SLAMF1: variants seen among roughly 807,000 people sequenced by gnomAD.
The protein encoded by SLAMF1 is signaling lymphocytic activation molecule family member 1, also known as signaling lymphocytic activation molecule.
SLAMF1 carries 18 observed loss-of-function variants against 35.1 expected under a neutral mutation model. That is an observed-to-expected ratio of 0.51 (90% CI 0.35 to 0.76). The LOEUF is 0.76. Among genes scored for constraint, SLAMF1 ranks in the 30% least tolerant of loss-of-function variants. The pLI, the probability that SLAMF1 is intolerant of heterozygous loss-of-function variation, is 0.01. For synonymous variants in SLAMF1, 168 were observed against 157.2 expected, an observed-to-expected ratio of 1.07 and a Z score of -0.51; for missense variants, 392 against 413.0, an observed-to-expected ratio of 0.95 and a Z score of 0.44.
chr1:160,608,977 G>GTC lies in SLAMF1; in HGVS notation c.*1770_*1771insGA, dbSNP rs1658840004. ...CCCCTTGGAGATAGGACATGGACAT[G>GTC]TGACCTAGGATTGGCCACTCAATCC... On this transcript the variant is annotated 3_prime_UTR_variant, in exon 7 of 7. Transcript: ENST00000302035. The GTC allele has an allele frequency of 6.6e-6, 1 of 152,182 alleles. No homozygotes were observed. Among genetic ancestry groups the GTC allele is most frequent in the Admixed American group, 6.5e-5 (1 of 15,286 alleles). The allele number at this position is 152,182 out of a possible 1,614,324, so 9.4% of individuals were successfully genotyped here.
chr1:160,632,582 C>T (rs956189916), intron 3 of SLAMF1, among the ~76,000 whole-genome samples: 1 of 152,026 alleles, frequency 6.6e-6, no homozygotes, highest in African/African-American at 2.4e-5. Context: ...TTTGGTATGC[C>T]CTAATTAAAT....
At chr1:160,629,525 C>T (rs1660060048) in intron 3 of SLAMF1, among the ~76,000 whole-genome samples, 1 of 152,086 alleles carries the variant, frequency 6.6e-6, no homozygotes, top group Non-Finnish European at 1.5e-5. Context: ...CATTCTTGTT[C>T]GTGGCAGTTT....
intron 5 of SLAMF1, among the ~76,000 whole-genome samples, chr1:160,616,037 G>C (rs986944166): frequency 1.3e-5 from 2 of 152,158 alleles, no homozygotes; most frequent in South Asian, 4.1e-4. Flanking sequence ...CCAGTAATTT[G>C]TTAAGGCATC....
chr1:160,624,483 C>T (rs1450067830), intron 3 of SLAMF1, among the ~76,000 whole-genome samples: 1 of 152,194 alleles, frequency 6.6e-6, no homozygotes, highest in Non-Finnish European at 1.5e-5. Context: ...ATCTTCATCT[C>T]TCCTAAGTCA....
At chr1:160,612,445 A>T in intron 6 of SLAMF1, 43 bp downstream of exon 6, 1 of 1,315,690 alleles carries the variant, frequency 7.6e-7, no homozygotes, top group Non-Finnish European at 1.1e-6. Flanking sequence ...CCCCTCCTTC[A>T]TGTATTCCCT....
chr1:160,640,029 T>G (rs1170392004), intron 1 of SLAMF1, among the ~76,000 whole-genome samples: 1 of 152,156 alleles, frequency 6.6e-6, no homozygotes, highest in Non-Finnish European at 1.5e-5. Context: ...AAACAGTTTC[T>G]CCTCCAAGAG....
At chr1:160,633,471 C>T (rs552750127) in intron 3 of SLAMF1, among the ~76,000 whole-genome samples, 30 of 152,182 alleles carry the variant, frequency 2.0e-4, no homozygotes, top group Non-Finnish European at 3.2e-4. Context: ...CATTACTTGG[C>T]TGAGTTCCCC....
intron 1 of SLAMF1, among the ~76,000 whole-genome samples, chr1:160,645,129 G>A (rs1301587157): frequency 6.6e-6 from 1 of 152,210 alleles, no homozygotes; most frequent in African/African-American, 2.4e-5. Context: ...TTTACTTGGG[G>A]AAGGGACATG....
rs114757181 is a variant in SLAMF1, at chr1:160,646,802, T to C, written c.76+68A>G. On this transcript the variant is annotated intron_variant, in intron 1 of 6. Transcript: ENST00000302035. ...TACCCAGCCCTGCACCTTCTCTCCA[T>C]CCACGAAGATACGCTGATTCCTGGC... The C allele has an allele frequency of 3.1e-3, 2,648 of 859,006 alleles. 39 individuals carry two copies. In the African/African-American group the frequency reaches 0.037, roughly 12 times the overall value. 53.2% of individuals were successfully genotyped at this position (859,006 alleles called of 1,614,324 possible). A position where few individuals can be genotyped will look rare whatever the true frequency, so the allele number is the denominator to read the frequency against.
intron 2 of SLAMF1, 30 bp downstream of exon 2, chr1:160,637,161 A>G (rs1660493216): frequency 6.6e-7 from 1 of 1,524,722 alleles, no homozygotes; most frequent in African/African-American, 1.4e-5. Flanking sequence ...TTGGCCCTTT[A>G]GTGTGGACTG....
Position 160,642,432 on chromosome 1 carries a change from C to T in SLAMF1, c.76+4438G>A, listed in dbSNP as rs570001860. ...TCACAGACTTCCAATGGACAATGAACGCACTCCTTCATATCATTCATCACG... is the reference window on the plus strand; with the variant it reads ...TCACAGACTTCCAATGGACAATGAATGCACTCCTTCATATCATTCATCACG... On this transcript the variant is annotated intron_variant, in intron 1 of 6. Coordinates refer to ENST00000302035, the MANE Select transcript of SLAMF1 (RefSeq NM_003037.5). This position sits in a 1 kb window ranked among gnomAD's most constrained non-coding sequence, Gnocchi z 4.2. Among the ~76,000 whole-genome samples, 26 of 152,132 alleles carry T rather than the reference C, an allele frequency of 1.7e-4. No individual in the cohort carries two copies. The highest frequency in any genetic ancestry group is 2.6e-4 in the Admixed American group (4 of 15,272).
chr1:160,615,625 G>T (rs377036526), intron 5 of SLAMF1: 13 of 179,090 alleles, frequency 7.3e-5, no homozygotes, highest in East Asian at 7.1e-4. Context: ...GTGGTGGGTT[G>T]AACTGTGGCC....
chr1:160,640,777 T>C (rs1417306490), intron 1 of SLAMF1, among the ~76,000 whole-genome samples: 1 of 152,196 alleles, frequency 6.6e-6, no homozygotes, highest in Non-Finnish European at 1.5e-5. Context: ...AAATTCTTAA[T>C]TGTTGAGGAA....
rs781502808 is a variant in SLAMF1, at chr1:160,610,440, A to C, written c.*308T>G. The C allele has an allele frequency of 4.0e-6, 2 of 495,292 alleles. No homozygotes were observed. Among genetic ancestry groups the C allele is most frequent in the Non-Finnish European group, 7.8e-6 (2 of 255,038 alleles). 30.7% of individuals were successfully genotyped at this position (495,292 alleles called of 1,614,324 possible). ...TTATCCAGTTCCAGCCAAGAGCAAG[A>C]TGCCCAAAGTCTGAACTCACATTAC... On this transcript the variant is annotated 3_prime_UTR_variant, in exon 7 of 7. Transcript: ENST00000302035.
chr1:160,634,560 G>A, intron 3 of SLAMF1, 53 bp downstream of exon 3: 1 of 1,515,518 alleles, frequency 6.6e-7, no homozygotes, highest in Non-Finnish European at 9.0e-7. Flanking sequence ...ACCATGTGAA[G>A]ACTGAGCCCA....
At chr1:160,624,490 G>A (rs770889760) in intron 3 of SLAMF1, among the ~76,000 whole-genome samples, 1 of 152,088 alleles carries the variant, frequency 6.6e-6, no homozygotes, top group Admixed American at 6.5e-5. Context: ...TCTCTCCTAA[G>A]TCAATCTCTC....
intron 6 of SLAMF1, 98 bp from the exon 7 acceptor site, chr1:160,610,896 A>C: frequency 1.0e-6 from 1 of 962,510 alleles, no homozygotes; most frequent in Non-Finnish European, 1.7e-6. Flanking sequence ...AAAGGGTCTT[A>C]GAGATCATGG....
At chr1:160,613,089 C>T (rs1192223204) in intron 5 of SLAMF1, among the ~76,000 whole-genome samples, 2 of 152,212 alleles carry the variant, frequency 1.3e-5, no homozygotes, top group African/African-American at 4.8e-5. Flanking sequence ...GAAGCTACAG[C>T]TCAGAAAGAC....
At position 160,634,705 on chromosome 1, in the gene SLAMF1, G is replaced by C. The variant is rs2102336698; in HGVS notation, c.608C>G (p.Ala203Gly). 1 of 1,614,160 alleles carries C rather than the reference G, an allele frequency of 6.2e-7. No individual in the cohort carries two copies. The highest frequency in any genetic ancestry group is 1.7e-5 in the Admixed American group (1 of 60,014). Residue 203 changes from alanine to glycine, a missense_variant, in exon 3 of 7, where the codon GCT (alanine) becomes GGT (glycine). By Grantham distance (60) the Ala-to-Gly change is moderately conservative (BLOSUM62 0). Coordinates refer to ENST00000302035, the MANE Select transcript of SLAMF1 (RefSeq NM_003037.5). The part of the protein sequence containing the change: ...LLSLTLGPQH[A>G]DNIYICTVSN... ...CACGGTGCAGATGTAGATATTGTCA[G>C]CATGCTGGGGGCCGAGGGTGAGGGA...
Sources: allele counts gnomAD v4.1 joint callset (sites outside exome capture counted in the v4.1 genomes callset), GRCh38; gene constraint gnomAD v4.1.1; non-coding constraint Gnocchi (gnomAD v3.1); transcripts MANE v1.5; gene names NCBI Gene and HGNC (gene_info 2026-07-23, HGNC 2026-07-21).